CADM2: variants seen among roughly 807,000 people sequenced by gnomAD.
CADM2 encodes immunoglobulin superfamily member 4D.
Under a neutral mutation model 49.8 loss-of-function variants are expected in CADM2, and 12 were observed. The observed-to-expected ratio is 0.24, with a 90% CI of 0.15 to 0.39. CADM2 has a LOEUF of 0.39. CADM2 is among the 10% of genes least tolerant of loss of function. The probability of loss-of-function intolerance (pLI) is 1.00; values close to 1 mark genes in which losing one functional copy is unlikely to be tolerated. For missense variants in CADM2, 378 were observed against 492.3 expected, an observed-to-expected ratio of 0.77 and a Z score of 2.20; for synonymous variants, 214 against 175.4, an observed-to-expected ratio of 1.22 and a Z score of -1.74.
chr3:85,337,675 G>C (rs766388065), intron 1 of CADM2, among the ~76,000 whole-genome samples: 1 of 151,254 alleles, frequency 6.6e-6, no homozygotes, highest in Non-Finnish European at 1.5e-5. Context: ...GAGGCTAATG[G>C]GATAAGATCT....
intron 1 of CADM2, among the ~76,000 whole-genome samples, chr3:85,527,520 A>T: frequency 6.6e-6 from 1 of 151,452 alleles, no homozygotes; most frequent in Non-Finnish European, 1.5e-5. Context: ...TACACACTAT[A>T]TATGAGATAA....
In CADM2 at chr3:85,506,573, A is replaced by AT. The variant is rs1221921941; in HGVS notation, c.62-219942dup. Among the ~76,000 whole-genome samples the AT allele has an allele frequency of 3.3e-5, 5 of 151,000 alleles. No homozygotes were observed. The South Asian group carries it at 8.4e-4, about 25-fold the overall frequency. The stretch of plus-strand genomic sequence containing the variant: ...ACAAAAGTCTTCTGATTTTTTTTTT[A>AT]TTTTTTTAAGAGCCGGGATATCACT... On this transcript the variant is annotated intron_variant, in intron 1 of 9. Transcript: ENST00000383699.
At chr3:85,995,665 C>T (rs910555079) in intron 8 of CADM2, among the ~76,000 whole-genome samples, 1 of 152,164 alleles carries the variant, frequency 6.6e-6, no homozygotes, top group Non-Finnish European at 1.5e-5. Flanking sequence ...TCTCCTGGAT[C>T]ATCCTTTCTT....
intron 8 of CADM2, chr3:85,993,424 G>A (rs1729024735): frequency 6.6e-6 from 1 of 152,092 alleles, no homozygotes; most frequent in Non-Finnish European, 1.5e-5. Context: ...ATGTCTCAAA[G>A]TCATCTATAA....
intron 1 of CADM2, among the ~76,000 whole-genome samples, chr3:85,621,040 T>C (rs192681520): frequency 6.6e-6 from 1 of 152,258 alleles, no homozygotes; most frequent in East Asian, 1.9e-4. Context: ...AGCTCAATAA[T>C]TTTTTAAGGT....
chr3:85,073,326 T>C (rs1438188383), intron 1 of CADM2, among the ~76,000 whole-genome samples: 1 of 152,164 alleles, frequency 6.6e-6, no homozygotes, highest in Non-Finnish European at 1.5e-5. Flanking sequence ...ATAAAAACTC[T>C]AAGTAATAAT....
rs113708197 is a variant in CADM2, at chr3:85,605,942, T to C, written c.62-120580T>C. On this transcript the variant is annotated intron_variant, in intron 1 of 9. Transcript: ENST00000383699. ...TATGAGTCTAATTGTGAATGCTTAA[T>C]AGTTAAAGAAGACGTGAATAAGAAA... Among the ~76,000 whole-genome samples, 594 of 152,232 alleles carry C rather than the reference T, an allele frequency of 3.9e-3. 3 individuals are homozygous for C. Among genetic ancestry groups the C allele is most frequent in the African/African-American group, 0.013 (532 of 41,560 alleles).
At chr3:85,506,261 T>C (rs1263328278) in intron 1 of CADM2, among the ~76,000 whole-genome samples, 2 of 152,244 alleles carry the variant, frequency 1.3e-5, no homozygotes, top group African/African-American at 4.8e-5. Context: ...TGTTTTGTTC[T>C]GCTTAATTTA....
chr3:84,959,613 T>G lies in CADM2; in HGVS notation c.6T>G (p.Ile2Met). 15 of 1,537,020 alleles carry G rather than the reference T, an allele frequency of 9.8e-6. No individual in the cohort carries two copies. Among genetic ancestry groups the G allele is most frequent in the Non-Finnish European group, 1.3e-5 (15 of 1,146,848 alleles). Reference protein sequence around the residue: MIWKRSAVLRFY... With the variant: MMWKRSAVLRFY... The stretch of plus-strand genomic sequence containing the variant: ...AGCCCTTTAGAGAAGGGACCATGAT[T>G]TGGAAACGCAGCGCCGTTCTCCGCT... Residue 2 changes from isoleucine (I) to methionine (M), a missense_variant, in exon 1 of 10, where the codon ATT (isoleucine) becomes ATG (methionine). Ile to Met is a conservative substitution (Grantham distance 10). Coordinates refer to ENST00000383699, the MANE Select transcript of CADM2 (RefSeq NM_001167675.2).
At chr3:85,399,361 T>C (rs2034969645) in intron 1 of CADM2, among the ~76,000 whole-genome samples, 1 of 152,158 alleles carries the variant, frequency 6.6e-6, no homozygotes, top group Non-Finnish European at 1.5e-5. Context: ...TCTTTTTTCG[T>C]ACCAGTACCA....
At chr3:85,585,411 T>C (rs2062914045) in intron 1 of CADM2, among the ~76,000 whole-genome samples, 1 of 151,914 alleles carries the variant, frequency 6.6e-6, no homozygotes, top group Non-Finnish European at 1.5e-5. Context: ...TATATGTATA[T>C]ATATATCTTG....
intron 1 of CADM2, among the ~76,000 whole-genome samples, chr3:85,387,904 C>T (rs1288537421): frequency 6.6e-6 from 1 of 152,136 alleles, no homozygotes; most frequent in Non-Finnish European, 1.5e-5. Context: ...AGTTCCTTTG[C>T]TTTAATTCTC....
intron 1 of CADM2, among the ~76,000 whole-genome samples, chr3:85,299,097 T>A (rs2044033545): frequency 6.6e-6 from 1 of 152,070 alleles, no homozygotes; most frequent in Non-Finnish European, 1.5e-5. Flanking sequence ...TTTTTAAAAA[T>A]CTGTTCCTAT....
intron 5 of CADM2, among the ~76,000 whole-genome samples, chr3:85,908,400 T>C (rs974487660): frequency 1.3e-5 from 2 of 151,652 alleles, no homozygotes; most frequent in African/African-American, 4.8e-5. Flanking sequence ...CTCCTGAATA[T>C]AAGGAGATTG....
chr3:85,309,254 G>A (rs2044286590), intron 1 of CADM2, among the ~76,000 whole-genome samples: 1 of 152,090 alleles, frequency 6.6e-6, no homozygotes. Context: ...TGAATCTTCA[G>A]GTGAATAAGA....
At chr3:85,878,796 A>G (rs1283158777) in intron 3 of CADM2, among the ~76,000 whole-genome samples, 3 of 152,124 alleles carry the variant, frequency 2.0e-5, no homozygotes, top group Admixed American at 1.3e-4. Flanking sequence ...GTTCCAAAAT[A>G]CAGTCTGGCT....
intron 1 of CADM2, among the ~76,000 whole-genome samples, chr3:85,428,705 A>G (rs1008427067): frequency 1.4e-5 from 2 of 148,038 alleles, no homozygotes; most frequent in African/African-American, 4.9e-5. Flanking sequence ...CAGCCTTACT[A>G]ATACATATTC....
chr3:86,026,833 T>A (rs974144614), intron 8 of CADM2, among the ~76,000 whole-genome samples: 2 of 152,174 alleles, frequency 1.3e-5, no homozygotes, highest in Admixed American at 6.6e-5. Flanking sequence ...TACTGAATAC[T>A]TCATGAATTG....
At chr3:85,526,948 T>C (rs1478615116) in intron 1 of CADM2, among the ~76,000 whole-genome samples, 1 of 152,332 alleles carries the variant, frequency 6.6e-6, no homozygotes, top group East Asian at 1.9e-4. Flanking sequence ...ATCTGTGATT[T>C]TTTAACGCTC....
Sources: allele counts gnomAD v4.1 joint callset (sites outside exome capture counted in the v4.1 genomes callset), GRCh38; gene constraint gnomAD v4.1.1; transcripts MANE v1.5; gene names NCBI Gene and HGNC (gene_info 2026-07-23, HGNC 2026-07-21).